SUMF1: variants seen among roughly 807,000 people sequenced by gnomAD.
SUMF1 encodes sulfatase modifying factor 1, also known as formylglycine-generating enzyme.
Under a neutral mutation model 47.6 loss-of-function variants are expected in SUMF1, and 48 were observed. The ratio of observed to expected loss-of-function variants is 1.01; its 90% CI spans 0.80 to 1.28. SUMF1 has a LOEUF of 1.28. Ranked by LOEUF, SUMF1 falls within the 50% of genes most tolerant of loss-of-function variation. The probability of loss-of-function intolerance (pLI) is 0.00; values close to 1 mark genes in which losing one functional copy is unlikely to be tolerated. For synonymous variants in SUMF1, 230 were observed against 192.1 expected (o/e 1.20, Z -1.63); for missense variants, 571 against 485.4 (o/e 1.18, Z -1.66).
chr3:4,318,156 A>G (rs1698734708), intron 8 of SUMF1, among the ~76,000 whole-genome samples: 3 of 152,198 alleles, frequency 2.0e-5, no homozygotes, highest in Admixed American at 2.0e-4. Flanking sequence ...TTACTAGGAA[A>G]GAAAACTAAT....
chr3:4,367,741 T>C lies in SUMF1; in HGVS notation c.1015-5487A>G, dbSNP rs986643082. Among the ~76,000 whole-genome samples the C allele has an allele frequency of 7.9e-5, 12 of 152,246 alleles. No homozygotes were observed. In the South Asian group the frequency reaches 8.3e-4, roughly 11 times the overall value. ...ACAAAAACAAGCAATGGGGAAAGGA[T>C]TCCCTATTTAATAAATGGTGCTGGG... On this transcript the variant is annotated intron_variant, in intron 8 of 8. Coordinates refer to ENST00000272902, the MANE Select transcript of SUMF1 (RefSeq NM_182760.4).
chr3:4,399,891 G>A (rs1262181753), intron 7 of SUMF1, among the ~76,000 whole-genome samples: 2 of 152,132 alleles, frequency 1.3e-5, no homozygotes, highest in South Asian at 4.1e-4. Flanking sequence ...CCAAGTAGCT[G>A]GGACTACAGG....
chr3:4,276,890 A>G (rs571334078), intron 8 of SUMF1, among the ~76,000 whole-genome samples: 9 of 152,320 alleles, frequency 5.9e-5, no homozygotes, highest in East Asian at 3.9e-4. Flanking sequence ...CAAAATAAGT[A>G]TATAGATCTG....
intron 2 of SUMF1, 35 bp downstream of exon 2, chr3:4,452,841 G>C (rs761454130): frequency 1.2e-6 from 2 of 1,613,372 alleles, no homozygotes; most frequent in Non-Finnish European, 1.7e-6. Flanking sequence ...TTCTGGAAAA[G>C]AACAAGTTCT....
intron 8 of SUMF1, among the ~76,000 whole-genome samples, chr3:4,344,694 T>C (rs2172110): frequency 0.18 from 27,896 of 151,936 alleles, 2,665 homozygotes; most frequent in Middle Eastern, 0.25. Context: ...GACGGATGAA[T>C]TGACAGTAGG....
intron 8 of SUMF1, among the ~76,000 whole-genome samples, chr3:4,222,175 T>C (rs981884043): frequency 1.2e-4 from 19 of 152,108 alleles, no homozygotes; most frequent in Admixed American, 3.3e-4. Context: ...GGTGGGATAA[T>C]ACTCCATTTT....
At chr3:4,386,216 T>A (rs1700668842) in intron 7 of SUMF1, among the ~76,000 whole-genome samples, 1 of 152,200 alleles carries the variant, frequency 6.6e-6, no homozygotes, top group Admixed American at 6.5e-5. Context: ...GGGGAAGAAC[T>A]GATATCTCTA....
intron 8 of SUMF1, among the ~76,000 whole-genome samples, chr3:4,281,645 T>C (rs1372115012): frequency 2.6e-5 from 4 of 152,036 alleles, no homozygotes; most frequent in African/African-American, 9.7e-5. Flanking sequence ...AAGTAACAAT[T>C]AGAAAGGTTT....
chr3:4,364,213 TG>T (rs1699870578), intron 8 of SUMF1, among the ~76,000 whole-genome samples: 1 of 131,472 alleles, frequency 7.6e-6, no homozygotes, highest in Admixed American at 8.3e-5. Flanking sequence ...TGCCCGGCTT[TG>T]GTATCAGGAT....
intron 8 of SUMF1, among the ~76,000 whole-genome samples, chr3:4,189,081 A>T (rs777783528): frequency 8.5e-5 from 13 of 152,172 alleles, no homozygotes; most frequent in Non-Finnish European, 1.8e-4. Context: ...GTTAAATCAG[A>T]ACATGGTAGA....
intron 7 of SUMF1, among the ~76,000 whole-genome samples, chr3:4,403,899 G>A (rs149650622): frequency 9.5e-4 from 144 of 152,270 alleles, no homozygotes; most frequent in African/African-American, 3.2e-3. Flanking sequence ...AGGAGGCCAT[G>A]GTACATTTTG....
intron 8 of SUMF1, among the ~76,000 whole-genome samples, chr3:4,364,581 C>A (rs1699884172): frequency 6.6e-6 from 1 of 151,364 alleles, no homozygotes; most frequent in Non-Finnish European, 1.5e-5. Flanking sequence ...TCCCCTTTAT[C>A]ATTTTTTATT....
intron 8 of SUMF1, among the ~76,000 whole-genome samples, chr3:4,101,850 G>T (rs1693040712): frequency 6.6e-6 from 1 of 152,130 alleles, no homozygotes; most frequent in Non-Finnish European, 1.5e-5. Flanking sequence ...AACTACCTGA[G>T]ACTGGGTAAT....
intron 8 of SUMF1, among the ~76,000 whole-genome samples, chr3:4,278,102 T>G (rs149997652): frequency 6.6e-6 from 1 of 152,120 alleles, no homozygotes; most frequent in African/African-American, 2.4e-5. Flanking sequence ...GTTTGGCTGA[T>G]ATTTTTGGCA....
chr3:4,285,144 CAATTAT>C (rs758475344), intron 8 of SUMF1, among the ~76,000 whole-genome samples: 7 of 152,118 alleles, frequency 4.6e-5, no homozygotes, highest in Non-Finnish European at 7.4e-5. Flanking sequence ...TTCTTGGGTA[CAATTAT>C]AATTATAATA....
At chr3:4,439,356 T>A (rs1489034438) in intron 3 of SUMF1, among the ~76,000 whole-genome samples, 3 of 151,620 alleles carry the variant, frequency 2.0e-5, no homozygotes, top group African/African-American at 7.3e-5. Flanking sequence ...AAACTCCATC[T>A]CTACAAAAAA....
intron 3 of SUMF1, among the ~76,000 whole-genome samples, chr3:4,447,414 C>T (rs1035136930): frequency 2.6e-5 from 4 of 152,114 alleles, no homozygotes; most frequent in African/African-American, 9.7e-5. Flanking sequence ...TTCTTTCTAA[C>T]TTAATCAAGT....
chr3:4,432,848 A>G (rs959035473), intron 3 of SUMF1, among the ~76,000 whole-genome samples: 5 of 152,196 alleles, frequency 3.3e-5, no homozygotes, highest in Non-Finnish European at 7.3e-5. Flanking sequence ...CCTAGCCCCT[A>G]GTACATACTG....
chr3:4,378,811 T>C (rs908334342), intron 7 of SUMF1, among the ~76,000 whole-genome samples: 2 of 152,204 alleles, frequency 1.3e-5, no homozygotes, highest in African/African-American at 4.8e-5. Context: ...TTACAATGTA[T>C]CAAATTGTGA....
Sources: allele counts gnomAD v4.1 joint callset (sites outside exome capture counted in the v4.1 genomes callset), GRCh38; gene constraint gnomAD v4.1.1; transcripts MANE v1.5; gene names NCBI Gene and HGNC (gene_info 2026-07-23, HGNC 2026-07-21).